NLK: variants seen among roughly 807,000 people sequenced by gnomAD.
NLK encodes nemo like kinase, also known as serine/threonine-protein kinase NLK.
A neutral mutation model predicts 59.0 loss-of-function variants in NLK; 11 were observed. The observed-to-expected ratio is 0.19, with a 90% CI of 0.12 to 0.31. The LOEUF is 0.31. Ranked by LOEUF, NLK falls within the 10% of genes least tolerant of loss-of-function variation. The pLI is 1.00. For missense variants in NLK, 410 were observed against 661.1 expected (o/e 0.62, Z 4.16); for synonymous variants, 235 against 235.9 (o/e 1.00, Z 0.03).
At chr17:28,181,011 C>T (rs562204707) in intron 7 of NLK, among the ~76,000 whole-genome samples, 2 of 152,158 alleles carry the variant, frequency 1.3e-5, no homozygotes, top group South Asian at 2.1e-4. Context: ...CCTAGCACTT[C>T]GGGAGGCCAA....
rs1567734875 is a variant in NLK at position 28,168,617 on chromosome 17, G to A, written c.1007G>A (p.Gly336Glu). The A allele has an allele frequency of 6.2e-7, 1 of 1,613,862 alleles. No individual in the cohort carries two copies. Among genetic ancestry groups the A allele is most frequent in the East Asian group, 2.2e-5 (1 of 44,878 alleles). Residue 336 changes from glycine to glutamate, a missense_variant, in exon 6 of 11, where the codon GGA becomes GAA. Physicochemically the swap from Gly to Glu is moderately conservative, Grantham distance 98. Transcript: ENST00000407008. ...SVGCIFAELL[G>E]RRILFQAQSP... ...GGATGTATCTTTGCAGAACTACTAG[G>A]ACGAAGAATATTGTTTCAGGCACAG... is the stretch of plus-strand genomic sequence containing the variant.
intron 1 of NLK, among the ~76,000 whole-genome samples, chr17:28,089,642 A>C (rs1904410694): frequency 6.6e-6 from 1 of 152,116 alleles, no homozygotes; most frequent in South Asian, 2.1e-4. Context: ...TTTTTAAGTT[A>C]AATTGTTTTC....
intron 1 of NLK, among the ~76,000 whole-genome samples, chr17:28,080,440 T>C (rs1910307295): frequency 6.6e-6 from 1 of 152,184 alleles, no homozygotes; most frequent in Non-Finnish European, 1.5e-5. Flanking sequence ...GATCATTAAC[T>C]TTCATCAGAT....
chr17:28,166,520 T>C (rs1908243566), intron 5 of NLK, among the ~76,000 whole-genome samples: 1 of 152,174 alleles, frequency 6.6e-6, no homozygotes, highest in Non-Finnish European at 1.5e-5. Context: ...AAAATCTTAT[T>C]TGGGGACTTC....
intron 1 of NLK, among the ~76,000 whole-genome samples, chr17:28,062,875 C>T (rs576454379): frequency 1.8e-4 from 27 of 152,332 alleles, no homozygotes; most frequent in South Asian, 4.1e-4. Flanking sequence ...GCCACTGCAC[C>T]CTGCCGGGAT....
At chr17:28,057,137 T>G (rs946606685) in intron 1 of NLK, among the ~76,000 whole-genome samples, 1 of 151,946 alleles carries the variant, frequency 6.6e-6, no homozygotes, top group South Asian at 2.1e-4. Context: ...GTATTTTTAG[T>G]AGAGAGGGGG....
chr17:28,101,095 GC>G (rs1203334805), intron 1 of NLK, among the ~76,000 whole-genome samples: 1 of 152,058 alleles, frequency 6.6e-6, no homozygotes, highest in African/African-American at 2.4e-5. Flanking sequence ...TGACATATAA[GC>G]ATAGGTCTGT....
intron 7 of NLK, among the ~76,000 whole-genome samples, chr17:28,184,566 G>A (rs1320550621): frequency 6.6e-6 from 1 of 152,098 alleles, no homozygotes; most frequent in Non-Finnish European, 1.5e-5. Flanking sequence ...AAAAAAGATG[G>A]CTAGCAGGAG....
chr17:28,158,577 T>C (rs1462480702), intron 3 of NLK, among the ~76,000 whole-genome samples: 1 of 152,272 alleles, frequency 6.6e-6, no homozygotes, highest in East Asian at 1.9e-4. Context: ...TATTTTACTC[T>C]TTTGTAATAA....
chr17:28,173,911 TGAA>T (rs570642492), intron 7 of NLK, among the ~76,000 whole-genome samples: 222 of 152,256 alleles, frequency 1.5e-3, no homozygotes, highest in Middle Eastern at 6.8e-3. Flanking sequence ...TAATGAAGAG[TGAA>T]GAAGATCAGA....
chr17:28,065,287 G>T (rs1597660688), intron 1 of NLK, among the ~76,000 whole-genome samples: 3 of 152,040 alleles, frequency 2.0e-5, no homozygotes, highest in South Asian at 4.1e-4. Context: ...CCTGATTAGG[G>T]GAGTGATATT....
intron 1 of NLK, among the ~76,000 whole-genome samples, chr17:28,085,687 G>T (rs1384443260): frequency 6.6e-6 from 1 of 152,182 alleles, no homozygotes; most frequent in Non-Finnish European, 1.5e-5. Context: ...GCTGCAGTGA[G>T]CCAAGATGGT....
Position 28,114,401 on chromosome 17 carries a change from T to G in NLK, c.459-8202T>G, listed in dbSNP as rs151145732. Among the ~76,000 whole-genome samples the G allele has an allele frequency of 2.8e-3, 433 of 152,330 alleles. 6 individuals are homozygous for G. Among genetic ancestry groups the G allele is most frequent in the African/African-American group, 9.7e-3 (405 of 41,574 alleles). On this transcript the variant is annotated intron_variant, in intron 1 of 10. Transcript: ENST00000407008. ...TTGCACTTCATCTCAACAAAACATT[T>G]GCTATTGTTAGACTTTTAAAAAATT...
rs187076335 is a variant in NLK at position 28,142,195 on chromosome 17, G to T, written c.644+9520G>T. ...CAATATGTAGAATGACAGCTTTCCCGCTTTTTTCTTTTTTTTCTGGTGATT... is the reference window on the plus strand; with the variant it reads ...CAATATGTAGAATGACAGCTTTCCCTCTTTTTTCTTTTTTTTCTGGTGATT... On this transcript the variant is annotated intron_variant, in intron 3 of 10. Transcript: ENST00000407008. Among the ~76,000 whole-genome samples, 190 of 151,978 alleles carry T rather than the reference G, an allele frequency of 1.3e-3. 1 individual carries two copies. The highest frequency in any genetic ancestry group is 3.1e-3 in the African/African-American group (130 of 41,464).
intron 9 of NLK, among the ~76,000 whole-genome samples, 172 bp from the exon 10 acceptor site, chr17:28,191,948 C>T (rs1172005490): frequency 6.6e-6 from 1 of 152,166 alleles, no homozygotes; most frequent in East Asian, 1.9e-4. Context: ...CAACAGCTGT[C>T]ATTTTAGTTT....
chr17:28,121,279 CAG>C (rs1012377211), intron 1 of NLK, among the ~76,000 whole-genome samples: 10 of 151,284 alleles, frequency 6.6e-5, no homozygotes, highest in African/African-American at 1.7e-4. Context: ...ATGATCAGAA[CAG>C]GGGCTGAACG....
intron 1 of NLK, among the ~76,000 whole-genome samples, chr17:28,090,638 C>A (rs905334674): frequency 6.6e-5 from 10 of 151,808 alleles, no homozygotes; most frequent in African/African-American, 2.4e-4. Context: ...GTGGGAGGAT[C>A]GCTTGAGGCC....
intron 4 of NLK, among the ~76,000 whole-genome samples, chr17:28,162,914 GTC>G (rs1567733138): frequency 6.7e-6 from 1 of 149,322 alleles, no homozygotes; most frequent in African/African-American, 2.5e-5. Context: ...GCGAGACCCT[GTC>G]TCAAAAAAAA....
chr17:28,081,070 T>C lies in NLK; in HGVS notation c.458+37739T>C, dbSNP rs528162333. On this transcript the variant is annotated intron_variant, in intron 1 of 10. Transcript: ENST00000407008. ...ACACCTGGCTTTTTTTTTTTTCTTT[T>C]GTAAGGACAGAGTTTCACCATGTTG... is the stretch of plus-strand genomic sequence containing the variant. Among the ~76,000 whole-genome samples, 3 of 151,962 alleles carry C rather than the reference T, an allele frequency of 2.0e-5. No homozygotes were observed. In the South Asian group the frequency reaches 6.2e-4, roughly 32 times the overall value.
Sources: gnomAD v4.1 joint callset for allele counts (sites outside exome capture counted in the v4.1 genomes callset) on GRCh38, gnomAD v4.1.1 for gene constraint, MANE v1.5 for transcripts, NCBI Gene and HGNC (gene_info 2026-07-23, HGNC 2026-07-21) for gene names.